CDK1: variants seen among roughly 807,000 people sequenced by gnomAD.
CDK1 encodes the protein cyclin dependent kinase 1.
A neutral mutation model predicts 34.6 loss-of-function variants in CDK1; 5 were observed. The observed-to-expected ratio is 0.14, with a 90% CI of 0.08 to 0.30. The LOEUF is 0.30. Ranked by LOEUF, CDK1 falls within the 10% of genes least tolerant of loss-of-function variation. The pLI is 1.00. For synonymous variants in CDK1, 108 were observed against 114.7 expected (o/e 0.94, Z 0.37); for missense variants, 157 against 345.7 (o/e 0.45, Z 4.33).
Position 60,781,940 on chromosome 10 carries a change from A to G in CDK1, c.37+1738A>G, listed in dbSNP as rs922433383. Among the ~76,000 whole-genome samples the G allele has an allele frequency of 5.3e-5, 8 of 152,296 alleles. No homozygotes were observed. The South Asian group carries it at 1.7e-3, about 32-fold the overall frequency. On this transcript the variant is annotated intron_variant, in intron 2 of 7. Transcript: ENST00000395284. ...GTTTTCCTTGTTTGCTCTTCTGAACACTGTTGTTTCTTTTTCTGGCTTGTA... is the reference window on the plus strand; with the variant it reads ...GTTTTCCTTGTTTGCTCTTCTGAACGCTGTTGTTTCTTTTTCTGGCTTGTA...
intron 5 of CDK1, among the ~76,000 whole-genome samples, chr10:60,791,201 A>G (rs775592437): frequency 2.0e-5 from 3 of 151,750 alleles, no homozygotes; most frequent in Admixed American, 1.3e-4. Context: ...TTTTTCTTCA[A>G]TGTTTTATAG....
At chr10:60,792,630 C>T (rs992796708) in intron 7 of CDK1, among the ~76,000 whole-genome samples, 6 of 151,814 alleles carry the variant, frequency 4.0e-5, no homozygotes, top group East Asian at 1.9e-4. Context: ...TTATGCTAGA[C>T]GTGTTTTTCT....
At position 60,785,677 on chromosome 10, in the gene CDK1, C is replaced by T. The variant is rs780626115; in HGVS notation, c.208C>T (p.Leu70Phe). 8 of 1,602,800 alleles carry T rather than the reference C, an allele frequency of 5.0e-6. No individual in the cohort carries two copies. Among genetic ancestry groups the T allele is most frequent in the Admixed American group, 1.7e-5 (1 of 59,526 alleles). The change falls in exon 4 of 8, where the codon CTT becomes TTT. Residue 70 changes from leucine to phenylalanine, a missense_variant. Around this residue, in one of 3 missense-constraint regions of CDK1, gnomAD observed 53 missense variants for 89.2 expected, o/e 0.59. Coordinates refer to ENST00000395284, the MANE Select transcript of CDK1 (RefSeq NM_001786.5). ...HPNIVSLQDVLMQDSRLYLIF... is the reference protein window; with the variant it reads ...HPNIVSLQDVFMQDSRLYLIF... Reference sequence around the variant, plus strand: ...TTTTTTCCCCAGTCTTCAGGATGTGCTTATGCAGGATTCCAGGTTATATCT... The same window carrying T: ...TTTTTTCCCCAGTCTTCAGGATGTGTTTATGCAGGATTCCAGGTTATATCT...
chr10:60,786,271 G>A (rs765384412), intron 4 of CDK1: 52 of 979,688 alleles, frequency 5.3e-5, no homozygotes, highest in Middle Eastern at 5.2e-4. Context: ...CAGAGGTAGC[G>A]CTGTTAGTTT....
At chr10:60,787,951 T>C (rs1485109780) in intron 4 of CDK1, 109 bp from the exon 5 acceptor site, 1 of 581,174 alleles carries the variant, frequency 1.7e-6, no homozygotes, top group Non-Finnish European at 2.9e-6. Flanking sequence ...GCCTGAAAGC[T>C]CTAGTAATTA....
At chr10:60,785,180 C>T (rs975014332) in intron 3 of CDK1, among the ~76,000 whole-genome samples, 1 of 152,070 alleles carries the variant, frequency 6.6e-6, no homozygotes, top group African/African-American at 2.4e-5. Context: ...TTCCTGAAGA[C>T]CCTTTAGTTA....
intron 2 of CDK1, among the ~76,000 whole-genome samples, chr10:60,782,004 T>C (rs918417803): frequency 2.6e-5 from 4 of 152,286 alleles, no homozygotes; most frequent in Admixed American, 2.6e-4. Flanking sequence ...TTTTGGATTA[T>C]GTGCTGGATA....
chr10:60,780,265 A>G, intron 2 of CDK1, 63 bp downstream of exon 2: 1 of 836,774 alleles, frequency 1.2e-6, no homozygotes, highest in Non-Finnish European at 2.1e-6. Flanking sequence ...CTTCTGTAAT[A>G]TGAACACATT....
At chr10:60,787,735 G>A (rs2080328537) in intron 4 of CDK1, 1 of 160,520 alleles carries the variant, frequency 6.2e-6, no homozygotes, top group African/African-American at 2.4e-5. Flanking sequence ...AGAGTTGGTA[G>A]CGGTATATAG....
At position 60,785,650 on chromosome 10, in the gene CDK1, T is replaced by C. The variant is rs779935732; in HGVS notation, c.195-14T>C. The C allele has an allele frequency of 1.5e-5, 22 of 1,498,522 alleles. No individual in the cohort carries two copies. The East Asian group carries it at 5.1e-4, about 35-fold the overall frequency. The allele number at this position is 1,498,522 out of a possible 1,614,324, so 92.8% of individuals were successfully genotyped here. A position where few individuals can be genotyped will look rare whatever the true frequency, so the allele number is the denominator to read the frequency against. ...GTTTGCTGGATTCTTCTCTCATATA[T>C]TTTTTTTCCCCAGTCTTCAGGATGT... On this transcript the variant is annotated splice_polypyrimidine_tract_variant and intron_variant, in intron 3 of 7. Coordinates refer to ENST00000395284, the MANE Select transcript of CDK1 (RefSeq NM_001786.5).
chr10:60,785,817 T>G, intron 4 of CDK1, 30 bp downstream of exon 4: 1 of 1,561,708 alleles, frequency 6.4e-7, no homozygotes, highest in South Asian at 1.2e-5. Context: ...TATTAATATT[T>G]ATGCACTGTG....
chr10:60,792,932 T>C (rs537001419), intron 7 of CDK1, among the ~76,000 whole-genome samples: 1 of 152,238 alleles, frequency 6.6e-6, no homozygotes, highest in African/African-American at 2.4e-5. Flanking sequence ...ACTTGTTTAG[T>C]GGCATGTCAT....
intron 4 of CDK1, chr10:60,786,564 A>G (rs2080318134): frequency 5.9e-6 from 1 of 170,846 alleles, no homozygotes; most frequent in South Asian, 1.9e-4. Flanking sequence ...TTCGTATGCA[A>G]CTTTATAGGA....
Position 60,788,056 on chromosome 10 carries a change from C to G in CDK1, c.319-4C>G. 7.3e-7 allele frequency: 1 copy of G among 1,364,912 alleles called. No individual in the cohort carries two copies. Among genetic ancestry groups the G allele is most frequent in the Non-Finnish European group, 9.6e-7 (1 of 1,037,622 alleles). 84.6% of individuals were successfully genotyped at this position (1,364,912 alleles called of 1,614,324 possible). A position where few individuals can be genotyped will look rare whatever the true frequency, so the allele number is the denominator to read the frequency against. On this transcript the variant is annotated splice_polypyrimidine_tract_variant and splice_region_variant and intron_variant, in intron 4 of 7. Transcript: ENST00000395284. ...AGTTTCTAACTTTTACTTGCTTTTT[C>G]CAGAGTTATTTATACCAAATCCTAC... is the stretch of plus-strand genomic sequence containing the variant.
Position 60,781,960 on chromosome 10 carries a change from C to T in CDK1, c.37+1758C>T, listed in dbSNP as rs564216898. Among the ~76,000 whole-genome samples the T allele has an allele frequency of 5.9e-5, 9 of 152,178 alleles. No homozygotes were observed. The South Asian group carries it at 1.9e-3, about 32-fold the overall frequency. Reference sequence around the variant, plus strand: ...TGAACACTGTTGTTTCTTTTTCTGGCTTGTATTGTCATTTCTACTCCAATG... The same window carrying T: ...TGAACACTGTTGTTTCTTTTTCTGGTTTGTATTGTCATTTCTACTCCAATG... On this transcript the variant is annotated intron_variant, in intron 2 of 7. Transcript: ENST00000395284.
chr10:60,785,155 C>G (rs1162299332), intron 3 of CDK1, among the ~76,000 whole-genome samples: 1 of 149,034 alleles, frequency 6.7e-6, no homozygotes, highest in Non-Finnish European at 1.5e-5. Flanking sequence ...CTCTCTCCTA[C>G]TTGGGGAGCT....
intron 2 of CDK1, chr10:60,783,679 G>A (rs1033473501): frequency 6.6e-6 from 1 of 152,096 alleles, no homozygotes; most frequent in Non-Finnish European, 1.5e-5. Flanking sequence ...ATTCAGCCAC[G>A]TATATGACAG....
intron 5 of CDK1, among the ~76,000 whole-genome samples, chr10:60,789,030 T>A (rs189194114): frequency 1.7e-3 from 256 of 152,292 alleles, no homozygotes; most frequent in Non-Finnish European, 3.2e-3. Context: ...ATGATAAATA[T>A]ACTAAAATGG....
intron 1 of CDK1, among the ~76,000 whole-genome samples, chr10:60,778,958 T>G (rs1387516819): frequency 6.6e-6 from 1 of 152,178 alleles, no homozygotes; most frequent in Non-Finnish European, 1.5e-5. Flanking sequence ...GCCCGGCCCC[T>G]GCGCGCCCTG....
Sources: allele counts gnomAD v4.1 joint callset (sites outside exome capture counted in the v4.1 genomes callset), GRCh38; gene constraint gnomAD v4.1.1; regional missense constraint gnomAD v4.1.1; transcripts MANE v1.5; gene names NCBI Gene and HGNC (gene_info 2026-07-23, HGNC 2026-07-21).